SEMA5A: variants seen among roughly 807,000 people sequenced by gnomAD.
The protein encoded by SEMA5A is semaphorin-5A.
In SEMA5A, 55 loss-of-function variants were observed where a neutral mutation model predicts 135.5. The ratio of observed to expected loss-of-function variants is 0.41; its 90% CI spans 0.33 to 0.51. The LOEUF is 0.51. Ranked by LOEUF, SEMA5A falls within the 20% of genes least tolerant of loss-of-function variation. The pLI, the probability that SEMA5A is intolerant of heterozygous loss-of-function variation, is 0.37. For missense variants in SEMA5A, 1,290 were observed against 1,419.9 expected, an observed-to-expected ratio of 0.91 and a Z score of 1.47; for synonymous variants, 580 against 546.5, an observed-to-expected ratio of 1.06 and a Z score of -0.85.
At chr5:9,494,024 T>C (rs1735172060) in intron 1 of SEMA5A, among the ~76,000 whole-genome samples, 2 of 152,200 alleles carry the variant, frequency 1.3e-5, no homozygotes, top group Admixed American at 1.3e-4. Context: ...ATATATTTTA[T>C]ATAAATTCTT....
intron 1 of SEMA5A, among the ~76,000 whole-genome samples, chr5:9,452,335 G>A (rs1469341426): frequency 6.6e-6 from 1 of 152,174 alleles, no homozygotes; most frequent in Non-Finnish European, 1.5e-5. Context: ...GCAGTGGTTT[G>A]CTTCCCGGAG....
intron 1 of SEMA5A, among the ~76,000 whole-genome samples, chr5:9,470,982 A>G (rs1370941789): frequency 6.6e-6 from 1 of 152,312 alleles, no homozygotes; most frequent in Non-Finnish European, 1.5e-5. Context: ...TTATCAAAAC[A>G]TTAATAATAA....
intron 5 of SEMA5A, among the ~76,000 whole-genome samples, chr5:9,265,109 T>C (rs971963510): frequency 6.6e-6 from 1 of 152,180 alleles, no homozygotes; most frequent in Non-Finnish European, 1.5e-5. Flanking sequence ...TGTGAGTGAA[T>C]GGTCTGTTGT....
intron 16 of SEMA5A, among the ~76,000 whole-genome samples, chr5:9,107,444 C>T (rs1739981742): frequency 6.6e-6 from 1 of 151,928 alleles, no homozygotes; most frequent in Non-Finnish European, 1.5e-5. Flanking sequence ...CATATAGTTT[C>T]TCAGTCCCCA....
intron 1 of SEMA5A, among the ~76,000 whole-genome samples, chr5:9,524,561 T>C (rs997450726): frequency 6.6e-6 from 1 of 152,288 alleles, no homozygotes; most frequent in African/African-American, 2.4e-5. Context: ...ACCAATCTGC[T>C]AACAACTTGA....
At chr5:9,543,549 A>T (rs1053665083) in intron 1 of SEMA5A, among the ~76,000 whole-genome samples, 1 of 152,238 alleles carries the variant, frequency 6.6e-6, no homozygotes, top group Non-Finnish European at 1.5e-5. Flanking sequence ...GTTTGACATT[A>T]TAACAACCAA....
At chr5:9,439,780 A>C (rs1758166357) in intron 1 of SEMA5A, among the ~76,000 whole-genome samples, 1 of 152,232 alleles carries the variant, frequency 6.6e-6, no homozygotes, top group South Asian at 2.1e-4. Flanking sequence ...GTCCTGGTGC[A>C]ACCAACAGAC....
At chr5:9,425,754 A>G (rs1161637076) in intron 2 of SEMA5A, among the ~76,000 whole-genome samples, 1 of 152,248 alleles carries the variant, frequency 6.6e-6, no homozygotes, top group Non-Finnish European at 1.5e-5. Context: ...ACTTTGCAAT[A>G]AATTGTAAAA....
chr5:9,145,641 C>CTTTTT (rs36054284), intron 12 of SEMA5A, among the ~76,000 whole-genome samples: 6 of 117,528 alleles, frequency 5.1e-5, no homozygotes, highest in Admixed American at 9.5e-5. Flanking sequence ...AAGAAGAAAA[C>CTTTTT]TTTTTTTTTT....
At chr5:9,443,750 C>T (rs562678933) in intron 1 of SEMA5A, among the ~76,000 whole-genome samples, 5 of 152,360 alleles carry the variant, frequency 3.3e-5, no homozygotes, top group South Asian at 2.1e-4. Context: ...GCTTCAGGTA[C>T]GAGGGAGGAG....
intron 1 of SEMA5A, among the ~76,000 whole-genome samples, chr5:9,490,719 C>T (rs1042224400): frequency 3.3e-5 from 5 of 152,194 alleles, no homozygotes; most frequent in African/African-American, 1.2e-4. Flanking sequence ...GGGATGCCCC[C>T]TGTGACTCCT....
intron 5 of SEMA5A, among the ~76,000 whole-genome samples, chr5:9,248,839 C>T (rs903455297): frequency 2.0e-5 from 3 of 152,078 alleles, no homozygotes; most frequent in Admixed American, 1.3e-4. Context: ...AAGTGTGGCC[C>T]GGGGGACCCC....
intron 2 of SEMA5A, chr5:9,391,015 A>C (rs1756136677): frequency 6.6e-6 from 1 of 152,212 alleles, no homozygotes; most frequent in African/African-American, 2.4e-5. Flanking sequence ...CTGGCCCTAA[A>C]ACCCAGGGTC....
At chr5:9,252,695 C>T (rs1211995380) in intron 5 of SEMA5A, among the ~76,000 whole-genome samples, 1 of 152,112 alleles carries the variant, frequency 6.6e-6, no homozygotes, top group Non-Finnish European at 1.5e-5. Flanking sequence ...TCAAGCACAG[C>T]CAAGAAAGTG....
chr5:9,059,401 A>T (rs1737062981), intron 18 of SEMA5A, among the ~76,000 whole-genome samples: 1 of 152,206 alleles, frequency 6.6e-6, no homozygotes, highest in Non-Finnish European at 1.5e-5. Flanking sequence ...TGAAGGTACT[A>T]GTTAGATGGA....
intron 5 of SEMA5A, among the ~76,000 whole-genome samples, chr5:9,253,449 T>C (rs1415933266): frequency 1.3e-5 from 2 of 152,044 alleles, no homozygotes; most frequent in Admixed American, 6.6e-5. Context: ...ATTAAAAATA[T>C]TGAATTGCTT....
At chr5:9,231,565 C>T (rs1579671476) in intron 6 of SEMA5A, among the ~76,000 whole-genome samples, 1 of 151,030 alleles carries the variant, frequency 6.6e-6, no homozygotes, top group South Asian at 2.1e-4. Context: ...AACTCAAATT[C>T]TCTTGCAGAT....
At chr5:9,225,070 C>A (rs1747218318) in intron 7 of SEMA5A, among the ~76,000 whole-genome samples, 183 bp from the exon 8 acceptor site, 1 of 152,056 alleles carries the variant, frequency 6.6e-6, no homozygotes, top group South Asian at 2.1e-4. Context: ...CATGGTAAGA[C>A]AGTCCATCAA....
intron 16 of SEMA5A, among the ~76,000 whole-genome samples, chr5:9,081,622 A>G (rs1318699935): frequency 6.6e-6 from 1 of 152,140 alleles, no homozygotes; most frequent in Non-Finnish European, 1.5e-5. Flanking sequence ...AGGCAATTTG[A>G]GGTGTTGATG....
Sources: allele counts gnomAD v4.1 joint callset (sites outside exome capture counted in the v4.1 genomes callset), GRCh38; gene constraint gnomAD v4.1.1; transcripts MANE v1.5; gene names NCBI Gene and HGNC (gene_info 2026-07-23, HGNC 2026-07-21).